DNM3: variants seen among roughly 807,000 people sequenced by gnomAD.
DNM3 encodes the protein dynamin 3, also known as dynamin-3.
DNM3 carries 47 observed loss-of-function variants against 101.6 expected under a neutral mutation model. That is an observed-to-expected ratio of 0.46 (90% CI 0.37 to 0.59). The LOEUF is 0.59. Among genes scored for constraint, DNM3 ranks in the 20% least tolerant of loss-of-function variants. The pLI is 0.00. For synonymous variants in DNM3, 385 were observed against 387.9 expected (o/e 0.99, Z 0.09); for missense variants, 849 against 1,085.7 (o/e 0.78, Z 3.06).
chr1:172,154,544 G>A (rs2058264696), intron 14 of DNM3, among the ~76,000 whole-genome samples: 1 of 152,078 alleles, frequency 6.6e-6, no homozygotes, highest in African/African-American at 2.4e-5. Flanking sequence ...TTCCATTTCT[G>A]TACTGCATTT....
In DNM3 at chr1:172,151,486, T is replaced by C. The variant is rs148251316; in HGVS notation, c.1659+20198T>C. Among the ~76,000 whole-genome samples, 388 of 152,326 alleles carry C rather than the reference T, an allele frequency of 2.5e-3. 1 individual carries two copies. The highest frequency in any genetic ancestry group is 9.0e-3 in the African/African-American group (375 of 41,592). Reference sequence around the variant, plus strand: ...CTCACTTTACTCCCAATCTTCTGTCTTATAACAAAATGTTTTCCTCTGGTA... The same window carrying C: ...CTCACTTTACTCCCAATCTTCTGTCCTATAACAAAATGTTTTCCTCTGGTA... On this transcript the variant is annotated intron_variant, in intron 14 of 20. Transcript: ENST00000627582.
chr1:172,069,887 A>G (rs2052017089), intron 11 of DNM3, among the ~76,000 whole-genome samples: 1 of 152,176 alleles, frequency 6.6e-6, no homozygotes. Flanking sequence ...TGAGGGAGAA[A>G]TGGGGAAAAG....
At chr1:172,073,209 ATATG>A (rs532042171) in intron 11 of DNM3, among the ~76,000 whole-genome samples, 11 of 151,954 alleles carry the variant, frequency 7.2e-5, no homozygotes, top group African/African-American at 1.2e-4. Context: ...ACATGTACAT[ATATG>A]TATGTATGTA....
At chr1:172,115,907 G>C (rs2147978980) in intron 13 of DNM3, among the ~76,000 whole-genome samples, 1 of 152,052 alleles carries the variant, frequency 6.6e-6, no homozygotes, top group South Asian at 2.1e-4. Flanking sequence ...GTCTATTGCT[G>C]AACTCTAACC....
intron 20 of DNM3, among the ~76,000 whole-genome samples, chr1:172,394,593 C>T (rs558536033): frequency 6.6e-6 from 1 of 152,300 alleles, no homozygotes; most frequent in East Asian, 1.9e-4. Flanking sequence ...TAGCAAATAG[C>T]TCTGTCATTG....
chr1:171,929,578 G>A (rs945320384), intron 2 of DNM3, among the ~76,000 whole-genome samples: 3 of 151,480 alleles, frequency 2.0e-5, no homozygotes, highest in African/African-American at 7.3e-5. Flanking sequence ...CACATTTTTG[G>A]AGAGTAGCTA....
chr1:172,163,954 TATACACACAC>T (rs1366376671), intron 14 of DNM3, among the ~76,000 whole-genome samples: 1 of 112,234 alleles, frequency 8.9e-6, no homozygotes, highest in South Asian at 2.7e-4. Context: ...CATACATATA[TATACACACAC>T]ACACACACAC....
At chr1:171,911,054 A>G (rs576269465) in intron 1 of DNM3, among the ~76,000 whole-genome samples, 2 of 152,290 alleles carry the variant, frequency 1.3e-5, no homozygotes, top group Admixed American at 6.5e-5. Context: ...CTGGGAATAA[A>G]AAGTTTGCGT....
chr1:171,978,646 T>G (rs2044559497), intron 2 of DNM3, among the ~76,000 whole-genome samples: 1 of 152,156 alleles, frequency 6.6e-6, no homozygotes, highest in Admixed American at 6.5e-5. Context: ...CATGATGTGA[T>G]GTATGTTTTA....
At chr1:172,153,928 A>G (rs891999085) in intron 14 of DNM3, among the ~76,000 whole-genome samples, 1 of 152,116 alleles carries the variant, frequency 6.6e-6, no homozygotes, top group Non-Finnish European at 1.5e-5. Flanking sequence ...TTTATTTAAA[A>G]GCAGTTTTCT....
intron 2 of DNM3, among the ~76,000 whole-genome samples, chr1:171,981,134 C>A (rs1024399859): frequency 1.3e-5 from 2 of 152,054 alleles, no homozygotes; most frequent in Non-Finnish European, 2.9e-5. Context: ...TGTATCTCTG[C>A]CTTTGAGGAA....
chr1:172,347,202 C>T (rs868048928), intron 17 of DNM3, among the ~76,000 whole-genome samples: 8 of 151,550 alleles, frequency 5.3e-5, no homozygotes, highest in South Asian at 2.1e-4. Context: ...AAGCCCCCCC[C>T]GCCAAAAAAA....
At chr1:172,280,446 A>T (rs1349784860) in intron 15 of DNM3, among the ~76,000 whole-genome samples, 2 of 152,206 alleles carry the variant, frequency 1.3e-5, no homozygotes, top group Non-Finnish European at 2.9e-5. Context: ...TATGGTAGTT[A>T]TTCAGGAATG....
chr1:172,412,406 T>TTTG lies in DNM3; in HGVS notation c.*4568_*4570dup. The TTTG allele has an allele frequency of 8.1e-6, 8 of 985,810 alleles. No individual in the cohort carries two copies. The highest frequency in any genetic ancestry group is 9.6e-6 in the Non-Finnish European group (8 of 829,904). The allele number at this position is 985,810 out of a possible 1,614,324, so 61.1% of individuals were successfully genotyped here. Reference sequence around the variant, plus strand: ...ATATTTCCTATGTACATGTACAGCCTTTGTTTTGCTTGCTTGTCTATTTTT... The same window carrying TTTG: ...ATATTTCCTATGTACATGTACAGCCTTTGTTGTTTTGCTTGCTTGTCTATTTTT... On this transcript the variant is annotated 3_prime_UTR_variant, in exon 21 of 21. Transcript: ENST00000627582.
chr1:172,079,063 T>C (rs915917293), intron 11 of DNM3, among the ~76,000 whole-genome samples: 5 of 152,220 alleles, frequency 3.3e-5, no homozygotes, highest in Non-Finnish European at 7.3e-5. Flanking sequence ...TTTTCCTTCA[T>C]TTCAACATTG....
intron 20 of DNM3, among the ~76,000 whole-genome samples, chr1:172,389,657 T>G (rs1476704694): frequency 6.6e-6 from 1 of 152,206 alleles, no homozygotes; most frequent in Non-Finnish European, 1.5e-5. Context: ...AAAGTTAATT[T>G]TTAAAAAATT....
chr1:171,850,748 C>A (rs1191037635), intron 1 of DNM3, among the ~76,000 whole-genome samples: 4 of 150,640 alleles, frequency 2.7e-5, no homozygotes, highest in African/African-American at 9.7e-5. Flanking sequence ...TTGAAAGTTA[C>A]ATATTCTCTT....
At chr1:172,242,251 A>G (rs2061777473) in intron 14 of DNM3, among the ~76,000 whole-genome samples, 1 of 152,070 alleles carries the variant, frequency 6.6e-6, no homozygotes, top group Admixed American at 6.6e-5. Context: ...GAAGGACAAC[A>G]TTTTAGTATG....
intron 16 of DNM3, among the ~76,000 whole-genome samples, chr1:172,320,837 G>A (rs77822686): frequency 0.018 from 2,757 of 152,208 alleles, 80 homozygotes; most frequent in African/African-American, 0.061. Flanking sequence ...TCTCAGATGC[G>A]CGCCTACTGG....
Sources: gnomAD v4.1 joint callset for allele counts (sites outside exome capture counted in the v4.1 genomes callset) on GRCh38, gnomAD v4.1.1 for gene constraint, MANE v1.5 for transcripts, NCBI Gene and HGNC (gene_info 2026-07-23, HGNC 2026-07-21) for gene names.